The following LENG1 variants were observed in gnomAD, a reference collection of about 807,000 sequenced individuals.
LENG1 encodes leukocyte receptor cluster member 1.
In LENG1, 35 loss-of-function variants were observed where a neutral mutation model predicts 28.8. That is an observed-to-expected ratio of 1.22 (90% CI 0.93 to 1.61). The LOEUF is 1.61. Ranked by LOEUF, LENG1 falls within the 40% of genes most tolerant of loss-of-function variation. The probability of loss-of-function intolerance (pLI) is 0.00; values close to 1 mark genes in which losing one functional copy is unlikely to be tolerated. For missense variants in LENG1, 404 were observed against 348.9 expected, an observed-to-expected ratio of 1.16 and a Z score of -1.26; for synonymous variants, 170 against 140.6, an observed-to-expected ratio of 1.21 and a Z score of -1.48.
At chr19:54,159,387 T>C (rs931732071) in intron 1 of LENG1, among the ~76,000 whole-genome samples, 177 bp downstream of exon 1, 12 of 152,116 alleles carry the variant, frequency 7.9e-5, no homozygotes, top group Admixed American at 7.9e-4. Context: ...TCAAGGAAGG[T>C]TTCGTGGAAG....
Position 54,155,743 on chromosome 19 carries a change from T to C in LENG1, c.773A>G (p.Gln258Arg), listed in dbSNP as rs1418960140. The C allele has an allele frequency of 3.5e-5, 56 of 1,611,218 alleles. No individual in the cohort carries two copies. Among genetic ancestry groups the C allele is most frequent in the Non-Finnish European group, 4.5e-5 (53 of 1,179,638 alleles). ...NPQLARRPRQ[Q>R]DPHLTH Reference sequence around the variant, plus strand: ...GAGTCAGTGAGTAAGGTGAGGGTCCTGCTGGCGGGGGCGCCGGGCCAGCTG... The same window carrying C: ...GAGTCAGTGAGTAAGGTGAGGGTCCCGCTGGCGGGGGCGCCGGGCCAGCTG... Residue 258 changes from glutamine (Q) to arginine (R), a missense_variant, in exon 4 of 4, where the codon CAG (glutamine) becomes CGG (arginine). Coordinates refer to ENST00000222224, the MANE Select transcript of LENG1 (RefSeq NM_024316.3).
rs141456097 is a variant in LENG1, at chr19:54,156,745, G to A, written c.575+18C>T. On this transcript the variant is annotated intron_variant, in intron 3 of 3. Coordinates refer to ENST00000222224, the MANE Select transcript of LENG1 (RefSeq NM_024316.3). ...CTGAAGGTCTGGGCCCTGGTCTGCC[G>A]AGGTGGGGTCTTCTTACTCCTTGGG... The A allele has an allele frequency of 4.2e-4, 668 of 1,599,176 alleles. 3 individuals carry two copies. In the African/African-American group the frequency reaches 7.5e-3, roughly 18 times the overall value.
At chr19:54,157,632 A>C (rs1170444345) in intron 2 of LENG1, among the ~76,000 whole-genome samples, 2 of 150,568 alleles carry the variant, frequency 1.3e-5, no homozygotes, top group Admixed American at 1.3e-4. Context: ...GGCCTCCCAA[A>C]GTGCTGGGAT....
Position 54,155,291 on chromosome 19 carries a change from G to T in LENG1, c.*430C>A. On this transcript the variant is annotated 3_prime_UTR_variant, in exon 4 of 4. Transcript: ENST00000222224. ...CCACCTCCTCGTCCACTCACTGACC[G>T]CCTTCTCCCCCGGCCAGGGCACCTA... The T allele has an allele frequency of 6.2e-7, 1 of 1,612,154 alleles. No individual in the cohort carries two copies. The highest frequency in any genetic ancestry group is 8.5e-7 in the Non-Finnish European group (1 of 1,179,366).
Position 54,159,665 on chromosome 19 carries a change from C to T in LENG1, c.31G>A (p.Val11Ile). Reference sequence around the variant, plus strand: ...CGGGCGACATTGTCCTTGTTCCGGACGTGCCAGCTCTTCTTGGGCAAGATA... The same window carrying T: ...CGGGCGACATTGTCCTTGTTCCGGATGTGCCAGCTCTTCTTGGGCAAGATA... MNILPKKSWH[V>I]RNKDNVARVR... The change falls in exon 1 of 4, where the codon GTC becomes ATC. Residue 11 changes from valine to isoleucine, a missense_variant. Coordinates refer to ENST00000222224, the MANE Select transcript of LENG1 (RefSeq NM_024316.3). 2 of 1,613,422 alleles carry T rather than the reference C, an allele frequency of 1.2e-6. No homozygotes were observed. Among genetic ancestry groups the T allele is most frequent in the Non-Finnish European group, 1.7e-6 (2 of 1,179,840 alleles).
rs371721795 is a variant in LENG1 at position 54,155,814 on chromosome 19, G to C, written c.702C>G (p.Asp234Glu). Residue 234 changes from aspartate to glutamate, a missense_variant, in exon 4 of 4, where the codon GAC (aspartate) becomes GAG (glutamate). Coordinates refer to ENST00000222224, the MANE Select transcript of LENG1 (RefSeq NM_024316.3). ...RALQEGQPEEDETDDRRRRYN... is the reference protein window; with the variant it reads ...RALQEGQPEEEETDDRRRRYN... ...ACCGCCGCCGCCGGTCATCCGTCTCGTCTTCTTCCGGCTGACCCTCCTGTA... is the reference window on the plus strand; with the variant it reads ...ACCGCCGCCGCCGGTCATCCGTCTCCTCTTCTTCCGGCTGACCCTCCTGTA... The C allele has an allele frequency of 6.2e-7, 1 of 1,612,404 alleles. No individual in the cohort carries two copies. The highest frequency in any genetic ancestry group is 2.2e-5 in the East Asian group (1 of 44,838).
chr19:54,156,582 G>A (rs374461227), intron 3 of LENG1, among the ~76,000 whole-genome samples, 181 bp downstream of exon 3: 5 of 152,172 alleles, frequency 3.3e-5, no homozygotes, highest in South Asian at 2.1e-4. Flanking sequence ...ACAGCACCCC[G>A]GGAAAGGGTG....
intron 1 of LENG1, 99 bp downstream of exon 1, chr19:54,159,465 G>T: frequency 7.9e-7 from 1 of 1,272,420 alleles, no homozygotes; most frequent in Non-Finnish European, 1.0e-6. Flanking sequence ...ATTTCACACG[G>T]GGCACATTGA....
At position 54,155,745 on chromosome 19, in the gene LENG1, C is replaced by G; in HGVS notation, c.771G>C (p.Gln257His). Reference sequence around the variant, plus strand: ...GTCAGTGAGTAAGGTGAGGGTCCTGCTGGCGGGGGCGCCGGGCCAGCTGGG... The same window carrying G: ...GTCAGTGAGTAAGGTGAGGGTCCTGGTGGCGGGGGCGCCGGGCCAGCTGGG... The part of the protein sequence containing the change: ...FNPQLARRPR[Q>H]QDPHLTH Residue 257 changes from glutamine to histidine, a missense_variant, in exon 4 of 4, where the codon CAG becomes CAC. Gln to His is a conservative substitution (Grantham distance 24). Coordinates refer to ENST00000222224, the MANE Select transcript of LENG1 (RefSeq NM_024316.3). 6.2e-7 allele frequency: 1 copy of G among 1,609,588 alleles called. No homozygotes were observed. The highest frequency in any genetic ancestry group is 8.5e-7 in the Non-Finnish European group (1 of 1,179,032).
At chr19:54,158,867 A>G (rs1171536294) in intron 1 of LENG1, among the ~76,000 whole-genome samples, 1 of 152,208 alleles carries the variant, frequency 6.6e-6, no homozygotes, top group Non-Finnish European at 1.5e-5. Context: ...GCGGATTTCA[A>G]ACAGCGCTCA....
At chr19:54,156,672 G>A in intron 3 of LENG1, 91 bp downstream of exon 3, 1 of 1,372,094 alleles carries the variant, frequency 7.3e-7, no homozygotes. Flanking sequence ...GTCCCTGGCT[G>A]TCCTGACCAG....
chr19:54,155,600 C>G lies in LENG1; in HGVS notation c.*121G>C, dbSNP rs2075361844. The G allele has an allele frequency of 2.7e-6, 3 of 1,128,240 alleles. No homozygotes were observed. Among genetic ancestry groups the G allele is most frequent in the Non-Finnish European group, 3.8e-6 (3 of 797,866 alleles). 69.9% of individuals were successfully genotyped at this position (1,128,240 alleles called of 1,614,324 possible). On this transcript the variant is annotated 3_prime_UTR_variant, in exon 4 of 4. Coordinates refer to ENST00000222224, the MANE Select transcript of LENG1 (RefSeq NM_024316.3). ...GGCCCGGGGGCGAGGGCTGCCCCCT[C>G]CTCCCCTCCCCAGTGAGGGACATTT...
At chr19:54,159,435 G>T (rs1240870130) in intron 1 of LENG1, 129 bp downstream of exon 1, 3 of 1,002,292 alleles carry the variant, frequency 3.0e-6, no homozygotes, top group South Asian at 1.7e-5. Context: ...CTCGAAAGTG[G>T]GATCGGCGCC....
At chr19:54,155,993 C>T (rs370217806) in intron 3 of LENG1, 53 bp from the exon 4 acceptor site, 1 of 1,489,640 alleles carries the variant, frequency 6.7e-7, no homozygotes, top group East Asian at 2.4e-5. Flanking sequence ...GAGGCCATTC[C>T]CCCAACCTCT....
At position 54,156,868 on chromosome 19, in the gene LENG1, A is replaced by G. The variant is rs2075399359; in HGVS notation, c.470T>C (p.Leu157Pro). ...CCCCAGATGCTTCTGCATCTCCCGC[A>G]GAGGGTCCAGACGGCTCTTGATCTT... ...DEKIKSRLDP[L>P]REMQKHLGKK... Residue 157 changes from leucine (L) to proline (P), a missense_variant, in exon 3 of 4, where the codon CTG (leucine) becomes CCG (proline). By Grantham distance (98) the Leu-to-Pro change is moderately conservative. Transcript: ENST00000222224. 3 of 1,450,468 alleles carry G rather than the reference A, an allele frequency of 2.1e-6. No homozygotes were observed. The highest frequency in any genetic ancestry group is 1.9e-6 in the Non-Finnish European group (2 of 1,061,926). 89.8% of individuals were successfully genotyped at this position (1,450,468 alleles called of 1,614,324 possible). A position where few individuals can be genotyped will look rare whatever the true frequency, so the allele number is the denominator to read the frequency against.
chr19:54,159,647 C>T lies in LENG1; in HGVS notation c.49G>A (p.Val17Ile), dbSNP rs551013759. Residue 17 changes from valine to isoleucine, a missense_variant, in exon 1 of 4, where the codon GTC becomes ATC. Val to Ile is a conservative substitution (Grantham distance 29). Coordinates refer to ENST00000222224, the MANE Select transcript of LENG1 (RefSeq NM_024316.3). ...KSWHVRNKDN[V>I]ARVRRDEAQA... ...GCCTCGTCACGCCGCACGCGGGCGA[C>T]ATTGTCCTTGTTCCGGACGTGCCAG... 2.2e-5 allele frequency: 35 copies of T among 1,613,522 alleles called. 1 individual carries two copies. In the South Asian group the frequency reaches 3.0e-4, roughly 14 times the overall value.
rs1213410771 is a variant in LENG1 at position 54,156,952 on chromosome 19, G to C, written c.386C>G (p.Pro129Arg). Residue 129 changes from proline (P) to arginine (R), a missense_variant, in exon 3 of 4, where the codon CCT (proline) becomes CGT (arginine). By Grantham distance (103) the Pro-to-Arg change is moderately radical (BLOSUM62 -2). Coordinates refer to ENST00000222224, the MANE Select transcript of LENG1 (RefSeq NM_024316.3). ...QSAAEAQTQP[P>R]WYQLPPGRGG... ...TCGCCCTGGGGGTAGCTGGTACCAA[G>C]GGGGTTGAGTCTGTGCCTCCGCTGC... The C allele has an allele frequency of 1.7e-5, 27 of 1,612,058 alleles. No homozygotes were observed. The highest frequency in any genetic ancestry group is 2.3e-5 in the Non-Finnish European group (27 of 1,178,882).
intron 2 of LENG1, among the ~76,000 whole-genome samples, chr19:54,157,438 G>A (rs772617828): frequency 2.6e-5 from 4 of 152,066 alleles, no homozygotes; most frequent in Non-Finnish European, 4.4e-5. Flanking sequence ...GCACGATCTC[G>A]GCTCACTGCA....
Position 54,155,565 on chromosome 19 carries a change from C to T in LENG1, c.*156G>A. The T allele has an allele frequency of 2.1e-6, 2 of 966,536 alleles. No individual in the cohort carries two copies. The highest frequency in any genetic ancestry group is 3.0e-6 in the Non-Finnish European group (2 of 660,060). The allele number at this position is 966,536 out of a possible 1,614,324, so 59.9% of individuals were successfully genotyped here. A position where few individuals can be genotyped will look rare whatever the true frequency, so the allele number is the denominator to read the frequency against. ...GGGCCGGGAGGTTTTCCTCTCAGCC[C>T]CACCCTGGGGGCCCGGGGGCGAGGG... On this transcript the variant is annotated 3_prime_UTR_variant, in exon 4 of 4. Transcript: ENST00000222224.
Sources: gnomAD v4.1 joint callset for allele counts (sites outside exome capture counted in the v4.1 genomes callset) on GRCh38, gnomAD v4.1.1 for gene constraint, MANE v1.5 for transcripts, NCBI Gene and HGNC (gene_info 2026-07-23, HGNC 2026-07-21) for gene names.